Variants in GAS7 observed in about 807,000 individuals in gnomAD.
GAS7 encodes growth arrest specific 7, also known as growth arrest-specific protein 7.
GAS7 carries 28 observed loss-of-function variants against 71.1 expected under a neutral mutation model. The ratio of observed to expected loss-of-function variants is 0.39; its 90% confidence interval spans 0.29 to 0.54. The LOEUF (loss-of-function observed/expected upper bound fraction) is 0.54, where lower values mean the gene tolerates loss of function less well. Among genes scored for constraint, GAS7 ranks in the 20% least tolerant of loss-of-function variants. GAS7 has a pLI of 0.62. For missense variants in GAS7, 436 were observed against 627.8 expected (o/e 0.69, Z 3.27); for synonymous variants, 258 against 245.8 (o/e 1.05, Z -0.46).
chr17:10,196,857 G>T (rs1316392308), intron 1 of GAS7, among the ~76,000 whole-genome samples: 2 of 152,122 alleles, frequency 1.3e-5, no homozygotes, highest in African/African-American at 2.4e-5. Context: ...TCCGAATCTC[G>T]GGAAAGGAAC....
intron 1 of GAS7, among the ~76,000 whole-genome samples, chr17:10,196,845 C>T (rs976781816): frequency 6.6e-6 from 1 of 152,184 alleles, no homozygotes; most frequent in African/African-American, 2.4e-5. Context: ...CTTTCTTTTA[C>T]ATCCGAATCT....
chr17:10,093,490 A>G (rs1363560631), intron 1 of GAS7, among the ~76,000 whole-genome samples: 3 of 140,772 alleles, frequency 2.1e-5, no homozygotes, highest in Non-Finnish European at 4.5e-5. Context: ...AATCGCTTGA[A>G]CCCAGGAGGC....
intron 8 of GAS7, 101 bp downstream of exon 8, chr17:9,940,025 A>G (rs1049728264): frequency 1.2e-6 from 1 of 802,354 alleles, no homozygotes; most frequent in South Asian, 1.4e-5. Flanking sequence ...AGAGCTCCCC[A>G]TCCAAAGTGG....
intron 2 of GAS7, among the ~76,000 whole-genome samples, chr17:9,988,880 G>A (rs1389911054): frequency 2.2e-5 from 3 of 139,016 alleles, no homozygotes; most frequent in Admixed American, 7.6e-5. Context: ...ACGGAGTCTC[G>A]CTCTGTTGCC....
intron 1 of GAS7, among the ~76,000 whole-genome samples, chr17:10,180,688 A>G (rs148378057): frequency 4.6e-5 from 7 of 152,240 alleles, no homozygotes; most frequent in East Asian, 1.9e-4. Flanking sequence ...CTGTTCCCCA[A>G]TCAATCTTGT....
chr17:10,039,834 C>A, intron 1 of GAS7: 2 of 442,530 alleles, frequency 4.5e-6, no homozygotes, highest in South Asian at 1.6e-5. Flanking sequence ...AGGGGTGTGG[C>A]ACCCTCTGGG....
chr17:10,002,322 T>A (rs1471970799), intron 2 of GAS7, among the ~76,000 whole-genome samples: 1 of 152,090 alleles, frequency 6.6e-6, no homozygotes, highest in Non-Finnish European at 1.5e-5. Context: ...CCTCCATGAG[T>A]GTCTGTCTCT....
chr17:10,005,223 A>ACG (rs1567880511), intron 2 of GAS7, among the ~76,000 whole-genome samples: 179 of 97,610 alleles, frequency 1.8e-3, no homozygotes, highest in African/African-American at 0.012. Flanking sequence ...GCGCGTGTGC[A>ACG]TGTATGTGTA....
At chr17:10,123,384 C>G (rs993826074) in intron 1 of GAS7, among the ~76,000 whole-genome samples, 1 of 152,290 alleles carries the variant, frequency 6.6e-6, no homozygotes, top group African/African-American at 2.4e-5. Flanking sequence ...AGGGACCACA[C>G]TTTAAGAAGC....
intron 1 of GAS7, among the ~76,000 whole-genome samples, chr17:10,150,107 G>A (rs77310678): frequency 0.048 from 7,370 of 152,182 alleles, 300 homozygotes; most frequent in Admixed American, 0.13. Flanking sequence ...TTTACGTTAT[G>A]TGAATAACAT....
intron 2 of GAS7, among the ~76,000 whole-genome samples, chr17:10,014,848 G>C (rs2071926773): frequency 6.6e-6 from 1 of 152,076 alleles, no homozygotes; most frequent in African/African-American, 2.4e-5. Flanking sequence ...AATCCTAAAT[G>C]GATGTGAAAA....
chr17:10,192,937 T>C (rs2074513443), intron 1 of GAS7, among the ~76,000 whole-genome samples: 1 of 152,154 alleles, frequency 6.6e-6, no homozygotes, highest in African/African-American at 2.4e-5. Flanking sequence ...ATTGCACCTT[T>C]TGTGAACAGA....
At chr17:10,017,398 G>A (rs904595760) in intron 2 of GAS7, among the ~76,000 whole-genome samples, 5 of 151,178 alleles carry the variant, frequency 3.3e-5, no homozygotes, top group African/African-American at 7.3e-5. Context: ...GCGTGATCTC[G>A]GCTCACTGCA....
intron 1 of GAS7, among the ~76,000 whole-genome samples, chr17:10,050,492 C>T (rs2073047842): frequency 6.6e-6 from 1 of 152,084 alleles, no homozygotes. Flanking sequence ...GCCCTCTGCC[C>T]ACCCTAAACC....
intron 1 of GAS7, among the ~76,000 whole-genome samples, chr17:10,174,931 G>A (rs970276321): frequency 6.6e-6 from 1 of 151,920 alleles, no homozygotes; most frequent in Non-Finnish European, 1.5e-5. Flanking sequence ...CTGCAGCCTC[G>A]GCCTCCTGGA....
Position 9,927,492 on chromosome 17 carries a change from C to A in GAS7, c.886-723G>T, listed in dbSNP as rs59776559. ...GAGACTTGGTCTCAAAAAAAAAAAA[C>A]AAAACAAACAAACAAAAAACAATAA... is the stretch of plus-strand genomic sequence containing the variant. On this transcript the variant is annotated intron_variant, in intron 9 of 13. Transcript: ENST00000432992. Among the ~76,000 whole-genome samples the A allele has an allele frequency of 6.0e-3, 904 of 149,620 alleles. 5 individuals are homozygous for A. Among genetic ancestry groups the A allele is most frequent in the African/African-American group, 0.015 (615 of 40,756 alleles).
At chr17:10,088,616 T>G (rs374640739) in intron 1 of GAS7, among the ~76,000 whole-genome samples, 30 of 152,210 alleles carry the variant, frequency 2.0e-4, no homozygotes, top group East Asian at 9.7e-4. Flanking sequence ...TCAAGGTAAA[T>G]CCTCACACAG....
intron 1 of GAS7, among the ~76,000 whole-genome samples, chr17:10,046,735 CA>C (rs1178498141): frequency 2.5e-3 from 61 of 24,290 alleles, no homozygotes; most frequent in East Asian, 7.1e-3. Flanking sequence ...GACTCTGTCT[CA>C]AAAAAAAAAA....
chr17:9,970,795 G>A (rs563515810), intron 3 of GAS7, among the ~76,000 whole-genome samples: 1 of 152,216 alleles, frequency 6.6e-6, no homozygotes, highest in East Asian at 1.9e-4. Flanking sequence ...AGTATCTGTC[G>A]ATTTCTGTGC....
Sources: allele counts gnomAD v4.1 joint callset (sites outside exome capture counted in the v4.1 genomes callset), GRCh38; gene constraint gnomAD v4.1.1; transcripts MANE v1.5; gene names NCBI Gene and HGNC (gene_info 2026-07-23, HGNC 2026-07-21).